PTPRD: variants seen among roughly 807,000 people sequenced by gnomAD.
PTPRD encodes the protein protein tyrosine phosphatase receptor type D.
PTPRD carries 34 observed loss-of-function variants against 214.5 expected under a neutral mutation model. That is an observed-to-expected ratio of 0.16 (90% CI 0.12 to 0.21). The LOEUF (loss-of-function observed/expected upper bound fraction) is 0.21, where lower values mean the gene tolerates loss of function less well. Among genes scored for constraint, PTPRD ranks in the 10% least tolerant of loss-of-function variants. The probability of loss-of-function intolerance (pLI) is 1.00; values close to 1 mark genes in which losing one functional copy is unlikely to be tolerated. For synonymous variants in PTPRD, 1,128 were observed against 845.7 expected, an observed-to-expected ratio of 1.33 and a Z score of -5.79; for missense variants, 2,545 against 2,398.7, an observed-to-expected ratio of 1.06 and a Z score of -1.27.
chr9:10,548,265 T>C (rs192104635), intron 2 of PTPRD, among the ~76,000 whole-genome samples: 352 of 152,300 alleles, frequency 2.3e-3, no homozygotes, highest in Admixed American at 4.6e-3. Flanking sequence ...AGTAATCTTT[T>C]ACTCTCTATA....
intron 3 of PTPRD, among the ~76,000 whole-genome samples, chr9:10,097,470 A>T (rs2098502936): frequency 1.3e-5 from 2 of 151,288 alleles, no homozygotes; most frequent in Non-Finnish European, 2.9e-5. Flanking sequence ...TGTAAGTTGA[A>T]TTCCTAGGTA....
chr9:9,062,727 T>G (rs1462206068), intron 10 of PTPRD, among the ~76,000 whole-genome samples: 2 of 152,178 alleles, frequency 1.3e-5, no homozygotes, highest in Admixed American at 1.3e-4. Context: ...TAAAACATCA[T>G]GTTACTGTGT....
intron 11 of PTPRD, among the ~76,000 whole-genome samples, chr9:8,879,028 G>C (rs932428176): frequency 6.6e-6 from 1 of 152,154 alleles, no homozygotes; most frequent in African/African-American, 2.4e-5. Flanking sequence ...TGATACTGTG[G>C]AACACTTATT....
At chr9:9,942,476 T>A (rs148854223) in intron 4 of PTPRD, among the ~76,000 whole-genome samples, 1 of 152,158 alleles carries the variant, frequency 6.6e-6, no homozygotes, top group South Asian at 2.1e-4. Context: ...TCAATTTGTA[T>A]ATAAGATGTA....
chr9:8,894,480 A>G (rs998165375), intron 11 of PTPRD, among the ~76,000 whole-genome samples: 2 of 149,690 alleles, frequency 1.3e-5, no homozygotes, highest in East Asian at 3.9e-4. Context: ...TATAAAAACA[A>G]AAGTCCATGT....
chr9:9,081,444 T>A (rs1048747982), intron 10 of PTPRD, among the ~76,000 whole-genome samples: 1 of 152,160 alleles, frequency 6.6e-6, no homozygotes, highest in Non-Finnish European at 1.5e-5. Flanking sequence ...ATAAGTGTGA[T>A]GCACTCCTGA....
Position 9,618,071 on chromosome 9 carries a change from C to CAAAA in PTPRD, c.-286-43294_-286-43291dup, listed in dbSNP as rs34125624. Among the ~76,000 whole-genome samples the CAAAA allele has an allele frequency of 4.3e-3, 99 of 23,052 alleles. 7 individuals are homozygous for CAAAA. The highest frequency in any genetic ancestry group is 5.0e-3 in the East Asian group (4 of 804). 15.1% of individuals were successfully genotyped at this position (23,052 alleles called of 152,430 possible). On this transcript the variant is annotated intron_variant, in intron 7 of 45. Coordinates refer to ENST00000381196, the MANE Select transcript of PTPRD (RefSeq NM_002839.4). ...TGGGCGACAGAGCGAGACTCCATCT[C>CAAAA]AAAAAAAAAAAAAAAAAAAAAAAAA...
At chr9:8,671,674 A>C (rs2097289568) in intron 12 of PTPRD, among the ~76,000 whole-genome samples, 1 of 152,210 alleles carries the variant, frequency 6.6e-6, no homozygotes, top group South Asian at 2.1e-4. Context: ...GCACATTTAA[A>C]GAGGCATAGA....
chr9:10,139,789 C>T (rs1035124164), intron 3 of PTPRD, among the ~76,000 whole-genome samples: 1 of 151,894 alleles, frequency 6.6e-6, no homozygotes, highest in African/African-American at 2.4e-5. Context: ...AGGAATGGGG[C>T]AAAGATTCCC....
intron 3 of PTPRD, among the ~76,000 whole-genome samples, chr9:10,096,167 T>A (rs1373413167): frequency 6.6e-6 from 1 of 151,694 alleles, no homozygotes; most frequent in African/African-American, 2.4e-5. Context: ...TGTTATTTCT[T>A]CTACGGTACA....
chr9:9,598,338 C>T (rs575404809), intron 7 of PTPRD, among the ~76,000 whole-genome samples: 22 of 151,886 alleles, frequency 1.4e-4, no homozygotes, highest in African/African-American at 3.4e-4. Context: ...ATGGGGATGT[C>T]GAGTAGGAGA....
At chr9:9,777,004 C>T (rs1288603238) in intron 5 of PTPRD, among the ~76,000 whole-genome samples, 2 of 152,148 alleles carry the variant, frequency 1.3e-5, no homozygotes, top group East Asian at 3.8e-4. Context: ...ATTGAACATC[C>T]ATGTGAGGAC....
chr9:8,886,382 G>A (rs926589104), intron 11 of PTPRD, among the ~76,000 whole-genome samples: 1 of 152,068 alleles, frequency 6.6e-6, no homozygotes, highest in African/African-American at 2.4e-5. Flanking sequence ...GGCCTATGCT[G>A]TTATATAAAT....
chr9:9,879,412 A>G (rs543263220), intron 5 of PTPRD, among the ~76,000 whole-genome samples: 23 of 152,318 alleles, frequency 1.5e-4, no homozygotes, highest in African/African-American at 5.5e-4. Context: ...TCCCTCCCCC[A>G]GTGAGAAACA....
chr9:8,938,281 G>T (rs1281339596), intron 11 of PTPRD, among the ~76,000 whole-genome samples: 2 of 151,848 alleles, frequency 1.3e-5, no homozygotes, highest in Admixed American at 1.3e-4. Context: ...GGAGAAGAGA[G>T]GAGATGAGAA....
chr9:9,511,930 C>A (rs974132242), intron 8 of PTPRD, among the ~76,000 whole-genome samples: 1 of 151,716 alleles, frequency 6.6e-6, no homozygotes, highest in South Asian at 2.1e-4. Context: ...TATTTGCATT[C>A]TTCCTATTTA....
intron 5 of PTPRD, among the ~76,000 whole-genome samples, chr9:9,830,946 A>G (rs1317270313): frequency 2.0e-5 from 3 of 151,976 alleles, no homozygotes; most frequent in African/African-American, 7.2e-5. Flanking sequence ...CCTCAAGAAT[A>G]TGCAAGAACT....
At chr9:9,250,864 C>A (rs554114469) in intron 9 of PTPRD, among the ~76,000 whole-genome samples, 1 of 152,004 alleles carries the variant, frequency 6.6e-6, no homozygotes, top group African/African-American at 2.4e-5. Flanking sequence ...TGTGAAAAGT[C>A]TTTTTATTTA....
chr9:9,896,354 AT>A (rs1302411418), intron 5 of PTPRD, among the ~76,000 whole-genome samples: 6 of 151,996 alleles, frequency 3.9e-5, no homozygotes, highest in Non-Finnish European at 2.9e-5. Context: ...TTTCAAAATT[AT>A]TTTTTTCAGC....
Sources: allele counts gnomAD v4.1 joint callset (sites outside exome capture counted in the v4.1 genomes callset), GRCh38; gene constraint gnomAD v4.1.1; transcripts MANE v1.5; gene names NCBI Gene and HGNC (gene_info 2026-07-23, HGNC 2026-07-21).